The following KMT2E variants were observed in gnomAD, a reference collection of about 807,000 sequenced individuals.
KMT2E encodes lysine methyltransferase 2E (inactive).
In KMT2E, 30 loss-of-function variants were observed where a neutral mutation model predicts 184.6. The observed-to-expected ratio is 0.16, with a 90% CI of 0.12 to 0.22. The LOEUF is 0.22. Ranked by LOEUF, KMT2E falls within the 10% of genes least tolerant of loss-of-function variation. KMT2E has a pLI of 1.00. For missense variants in KMT2E, 2,023 were observed against 2,237.4 expected (o/e 0.90, Z 1.93); for synonymous variants, 815 against 776.5 (o/e 1.05, Z -0.82).
At chr7:105,085,149 C>A (rs567468378) in intron 13 of KMT2E, among the ~76,000 whole-genome samples, 1 of 134,378 alleles carries the variant, frequency 7.4e-6, no homozygotes, top group Admixed American at 7.1e-5. Flanking sequence ...GAAAAAAATC[C>A]ATGTATAACT....
chr7:105,014,841 C>T (rs952582382), intron 1 of KMT2E, among the ~76,000 whole-genome samples: 2 of 152,086 alleles, frequency 1.3e-5, no homozygotes, highest in Non-Finnish European at 2.9e-5. Context: ...CGGGTTAAGG[C>T]CGCTTGAGTG....
At chr7:105,018,007 C>T (rs1794790091) in intron 1 of KMT2E, among the ~76,000 whole-genome samples, 1 of 152,056 alleles carries the variant, frequency 6.6e-6, no homozygotes. Flanking sequence ...TCTATTGAGG[C>T]AGTAGGGAGA....
chr7:105,085,542 T>G (rs1797928486), intron 13 of KMT2E, among the ~76,000 whole-genome samples: 1 of 140,746 alleles, frequency 7.1e-6, no homozygotes, highest in Non-Finnish European at 1.6e-5. Context: ...TAGCAAAACA[T>G]CTCAAAAATA....
intron 8 of KMT2E, 49 bp downstream of exon 8, chr7:105,074,864 A>G: frequency 7.2e-7 from 1 of 1,388,550 alleles, no homozygotes; most frequent in Non-Finnish European, 9.6e-7. Flanking sequence ...GCGGATAGGG[A>G]ACTGAATTTT....
At chr7:105,050,756 C>T (rs1200070050) in intron 3 of KMT2E, among the ~76,000 whole-genome samples, 1 of 149,966 alleles carries the variant, frequency 6.7e-6, no homozygotes, top group African/African-American at 2.5e-5. Flanking sequence ...TTTCGACAGA[C>T]TCTTGCTCTG....
rs373899614 is a variant in KMT2E, at chr7:105,107,769, A to C, written c.3312A>C (p.Ser1104=). 5.0e-6 allele frequency: 8 copies of C among 1,614,072 alleles called. No individual in the cohort carries two copies. Among genetic ancestry groups the C allele is most frequent in the Admixed American group, 1.7e-5 (1 of 60,010 alleles). The part of the protein sequence containing the change: ...EVGGGFRISE[S]KCLMQDDTRG... ...GAGGAGGCTTCCGAATAAGTGAGTC[A>C]AAGTGCCTGATGCAGGATGATACTA... The change falls in exon 22 of 27, where the codon TCA becomes TCC. Residue 1104 remains serine (S), a synonymous_variant. Coordinates refer to ENST00000311117, the MANE Select transcript of KMT2E (RefSeq NM_182931.3).
At position 105,027,188 on chromosome 7, in the gene KMT2E, C is replaced by T. The variant is rs192036762; in HGVS notation, c.-188-10938C>T. Among the ~76,000 whole-genome samples the T allele has an allele frequency of 4.8e-3, 710 of 148,746 alleles. 12 individuals are homozygous for T. The highest frequency in any genetic ancestry group is 4.6e-3 in the Non-Finnish European group (309 of 67,478). ...CCTTAATCTCCCAGGCTCAAGTGATCCTCCCACCTCAGCCTCCCAAGTAAC... is the reference window on the plus strand; with the variant it reads ...CCTTAATCTCCCAGGCTCAAGTGATTCTCCCACCTCAGCCTCCCAAGTAAC... On this transcript the variant is annotated intron_variant, in intron 1 of 26. Transcript: ENST00000311117.
rs1799456299 is a variant in KMT2E, at chr7:105,113,846, A to G, written c.*513A>G. Reference sequence around the variant, plus strand: ...GTAATTTAATGTATAGATGATTTCTAATGTCTCCTGACAAACTGTAAATAC... The same window carrying G: ...GTAATTTAATGTATAGATGATTTCTGATGTCTCCTGACAAACTGTAAATAC... On this transcript the variant is annotated 3_prime_UTR_variant, in exon 27 of 27. Coordinates refer to ENST00000311117, the MANE Select transcript of KMT2E (RefSeq NM_182931.3). The G allele has an allele frequency of 6.4e-6, 1 of 155,434 alleles. No homozygotes were observed. The highest frequency in any genetic ancestry group is 2.0e-4 in the South Asian group (1 of 4,948). 9.6% of individuals were successfully genotyped at this position (155,434 alleles called of 1,614,324 possible). A position where few individuals can be genotyped will look rare whatever the true frequency, so the allele number is the denominator to read the frequency against.
At chr7:105,105,291 C>A in intron 17 of KMT2E, 148 bp from the exon 18 acceptor site, 1 of 508,078 alleles carries the variant, frequency 2.0e-6, no homozygotes, top group Non-Finnish European at 3.3e-6. Flanking sequence ...TGTAAAAGGA[C>A]ATACTGATAT....
At position 105,112,926 on chromosome 7, in the gene KMT2E, T is replaced by C. The variant is rs1799388160; in HGVS notation, c.5170T>C (p.Ser1724Pro). The C allele has an allele frequency of 6.2e-7, 1 of 1,613,458 alleles. No individual in the cohort carries two copies. Among genetic ancestry groups the C allele is most frequent in the African/African-American group, 1.3e-5 (1 of 74,682 alleles). ...CCCACCACCCCCTCCGCCGCCACCT[T>C]CCAGTGTTTTGGCTTCTGGGCATCA... ...APPPPPPPPP[S>P]SVLASGHHTT... Residue 1724 changes from serine to proline, a missense_variant, in exon 27 of 27, where the codon TCC becomes CCC. Physicochemically the swap from Ser to Pro is moderately conservative, Grantham distance 74 (BLOSUM62 -1). Around this residue, in one of 8 missense-constraint regions of KMT2E, gnomAD observed 1,108 missense variants for 1,050.9 expected, o/e 1.05. Transcript: ENST00000311117.
intron 19 of KMT2E, among the ~76,000 whole-genome samples, 163 bp downstream of exon 19, chr7:105,106,166 C>T (rs545669853): frequency 8.5e-5 from 13 of 152,114 alleles, no homozygotes; most frequent in Non-Finnish European, 1.9e-4. Flanking sequence ...GCTGAAGATA[C>T]CAGTTCACAA....
chr7:105,106,130 C>A lies in KMT2E; in HGVS notation c.2596+127C>A, dbSNP rs1798889669. 3 of 973,168 alleles carry A rather than the reference C, an allele frequency of 3.1e-6. No individual in the cohort carries two copies. In the African/African-American group the frequency reaches 5.0e-5, roughly 16 times the overall value. 60.3% of individuals were successfully genotyped at this position (973,168 alleles called of 1,614,324 possible). ...AGAAGCACATTGGTGTATAGATTTT[C>A]TCTTTTCTGTCCTCTGTATTTTTTG... is the stretch of plus-strand genomic sequence containing the variant. On this transcript the variant is annotated intron_variant, in intron 19 of 26. Transcript: ENST00000311117.
intron 4 of KMT2E, 141 bp downstream of exon 4, chr7:105,062,419 C>A: frequency 1.9e-6 from 1 of 536,796 alleles, no homozygotes; most frequent in Non-Finnish European, 3.3e-6. Flanking sequence ...TTTAATTTTT[C>A]ATTAACCATT....
Position 105,101,390 on chromosome 7 carries a change from TA to T in KMT2E, c.1723-34del, listed in dbSNP as rs752661312. On this transcript the variant is annotated intron_variant, in intron 15 of 26. Transcript: ENST00000311117. The stretch of plus-strand genomic sequence containing the variant: ...ACTTAATTTTACTTTTGAGCATTGA[TA>T]TTTATGATGTCACTTAAAATTTAAA... The T allele has an allele frequency of 1.6e-5, 23 of 1,409,048 alleles. No individual in the cohort carries two copies. In the Middle Eastern group the frequency reaches 7.4e-4, roughly 45 times the overall value. The allele number at this position is 1,409,048 out of a possible 1,614,324, so 87.3% of individuals were successfully genotyped here.
intron 13 of KMT2E, among the ~76,000 whole-genome samples, chr7:105,084,101 C>G (rs1011130039): frequency 2.0e-5 from 3 of 152,114 alleles, no homozygotes; most frequent in African/African-American, 4.8e-5. Flanking sequence ...ATTCTGCGGC[C>G]CAGCTGCGGT....
intron 3 of KMT2E, among the ~76,000 whole-genome samples, chr7:105,045,771 G>C (rs568229559): frequency 6.6e-5 from 10 of 152,270 alleles, no homozygotes; most frequent in African/African-American, 2.2e-4. Flanking sequence ...ACAGGTATCT[G>C]TTTGACTCCC....
intron 6 of KMT2E, among the ~76,000 whole-genome samples, chr7:105,071,840 T>A (rs1797335517): frequency 6.6e-6 from 1 of 151,580 alleles, no homozygotes; most frequent in Admixed American, 6.6e-5. Context: ...GACTTGCATT[T>A]TTGCCAGTTT....
Position 105,076,075 on chromosome 7 carries a change from A to C in KMT2E, c.762A>C (p.Arg254Ser). 6.3e-7 allele frequency: 1 copy of C among 1,597,074 alleles called. No homozygotes were observed. The highest frequency in any genetic ancestry group is 8.6e-7 in the Non-Finnish European group (1 of 1,165,124). Residue 254 changes from arginine to serine, a missense_variant, in exon 9 of 27, where the codon AGA becomes AGC. Transcript: ENST00000311117. The part of the protein sequence containing the change: ...AFREGSRKSS[R>S]VKGSAPEIDP... ...GTGAAGGATCTAGGAAGTCATCAAG[A>C]GTTAAGGTAAATACATTAATTTTAA...
At chr7:105,088,443 T>C (rs1415706059) in intron 13 of KMT2E, among the ~76,000 whole-genome samples, 1 of 152,236 alleles carries the variant, frequency 6.6e-6, no homozygotes, top group Non-Finnish European at 1.5e-5. Flanking sequence ...TTTGAATCTT[T>C]CTAGCAGTTT....
Sources: gnomAD v4.1 joint callset for allele counts (sites outside exome capture counted in the v4.1 genomes callset) on GRCh38, gnomAD v4.1.1 for gene constraint, gnomAD v4.1.1 regional missense constraint, MANE v1.5 for transcripts, NCBI Gene and HGNC (gene_info 2026-07-23, HGNC 2026-07-21) for gene names.